Variants in COLEC10 observed in about 807,000 individuals in gnomAD.
COLEC10 encodes collectin subfamily member 10, also known as collectin-10.
In COLEC10, 22 loss-of-function variants were observed where a neutral mutation model predicts 28.4. That is an observed-to-expected ratio of 0.78 (90% CI 0.55 to 1.11). The LOEUF (loss-of-function observed/expected upper bound fraction) is 1.11. Ranked by LOEUF, COLEC10 falls within the 50% of genes least tolerant of loss-of-function variation. The probability of loss-of-function intolerance (pLI) is 0.00; values close to 1 mark genes in which losing one functional copy is unlikely to be tolerated. For synonymous variants in COLEC10, 125 were observed against 116.1 expected (o/e 1.08, Z -0.49); for missense variants, 361 against 344.1 (o/e 1.05, Z -0.39).
chr8:118,986,682 C>T, the COLEC10 span, among the ~76,000 whole-genome samples: 1 of 152,050 alleles, frequency 6.6e-6, no homozygotes, highest in Admixed American at 6.6e-5. Context: ...TATTTATGTA[C>T]ACTCAATAAA....
At chr8:119,023,119 C>G (rs967427032) in intron 2 of COLEC10, among the ~76,000 whole-genome samples, 1 of 152,116 alleles carries the variant, frequency 6.6e-6, no homozygotes, top group Admixed American at 6.6e-5. Context: ...CTTACGCTGG[C>G]CACTGTATTT....
upstream of COLEC10, among the ~76,000 whole-genome samples, chr8:119,065,611 C>T (rs1421139040): frequency 1.3e-5 from 2 of 152,080 alleles, no homozygotes; most frequent in Non-Finnish European, 2.9e-5. Flanking sequence ...GATCCCAGCA[C>T]TTATGGAGGC....
At chr8:118,984,590 T>G in the COLEC10 span, among the ~76,000 whole-genome samples, 4 of 152,090 alleles carry the variant, frequency 2.6e-5, no homozygotes, top group African/African-American at 9.7e-5. Context: ...TGTTTTGATA[T>G]GAGGGATATT....
At position 119,067,985 on chromosome 8, in the gene COLEC10, G is replaced by A. The variant is rs1327226455; in HGVS notation, c.148+556G>A. On this transcript the variant is annotated intron_variant, in intron 1 of 5. Coordinates refer to ENST00000332843, the MANE Select transcript of COLEC10 (RefSeq NM_006438.5). ...TCTTTATTTGGAAGTGTAGTCTCTG[G>A]GGCCAAATGCCTTCTGCTCAAGGAT... 6 of 152,026 alleles carry A rather than the reference G, an allele frequency of 3.9e-5. No homozygotes were observed. In the East Asian group the frequency reaches 1.2e-3, roughly 29 times the overall value. 9.4% of individuals were successfully genotyped at this position (152,026 alleles called of 1,614,324 possible). A position where few individuals can be genotyped will look rare whatever the true frequency, so the allele number is the denominator to read the frequency against.
chr8:119,058,631 A>G (rs1379344037), intron 2 of COLEC10, among the ~76,000 whole-genome samples: 1 of 152,088 alleles, frequency 6.6e-6, no homozygotes, highest in Admixed American at 6.6e-5. Flanking sequence ...ATAGCATTCC[A>G]TTGTATAGAT....
the COLEC10 span, among the ~76,000 whole-genome samples, chr8:118,988,260 G>T: frequency 6.6e-6 from 1 of 152,096 alleles, no homozygotes. Context: ...ATGAGGATCT[G>T]GGAAAGATCC....
intron 2 of COLEC10, among the ~76,000 whole-genome samples, chr8:119,048,996 A>T (rs1814630599): frequency 6.6e-6 from 1 of 151,504 alleles, no homozygotes; most frequent in African/African-American, 2.4e-5. Flanking sequence ...CATGTTTAGC[A>T]CTCCCTTAAG....
chr8:119,007,606 A>AG (rs1358898726), intron 1 of COLEC10, among the ~76,000 whole-genome samples: 1 of 151,206 alleles, frequency 6.6e-6, no homozygotes, highest in Non-Finnish European at 1.5e-5. Context: ...TTTAAGACCA[A>AG]TTGTCCAAAC....
At chr8:118,961,011 TTAAG>T in the COLEC10 span, among the ~76,000 whole-genome samples, 1 of 152,180 alleles carries the variant, frequency 6.6e-6, no homozygotes, top group Admixed American at 6.5e-5. Flanking sequence ...CATGATATCT[TTAAG>T]TAGGCATTAT....
At chr8:118,963,088 G>A in the COLEC10 span, among the ~76,000 whole-genome samples, 3 of 152,156 alleles carry the variant, frequency 2.0e-5, no homozygotes, top group Admixed American at 6.5e-5. Context: ...GAAGGGAGCC[G>A]GGGTCTGGCA....
chr8:118,987,947 T>C, the COLEC10 span, among the ~76,000 whole-genome samples: 103 of 152,204 alleles, frequency 6.8e-4, no homozygotes, highest in African/African-American at 2.5e-3. Flanking sequence ...CTTAGAACAA[T>C]AAAAGCTGAA....
At chr8:118,965,856 G>A in the COLEC10 span, among the ~76,000 whole-genome samples, 2 of 152,026 alleles carry the variant, frequency 1.3e-5, no homozygotes, top group African/African-American at 4.8e-5. Context: ...CAGGTCAGGC[G>A]AGTGAGTAGT....
chr8:119,096,236 T>G (rs1815714154), intron 3 of COLEC10, among the ~76,000 whole-genome samples: 1 of 152,166 alleles, frequency 6.6e-6, no homozygotes, highest in African/African-American at 2.4e-5. Flanking sequence ...AACACGTTTT[T>G]AAACAGGATA....
intron 2 of COLEC10, among the ~76,000 whole-genome samples, chr8:119,023,053 T>A (rs1049217879): frequency 6.6e-6 from 1 of 152,136 alleles, no homozygotes; most frequent in African/African-American, 2.4e-5. Flanking sequence ...GATATACACA[T>A]GGTTTATATC....
intron 1 of COLEC10, among the ~76,000 whole-genome samples, chr8:119,081,279 GAC>G (rs1815361507): frequency 6.6e-6 from 1 of 152,080 alleles, no homozygotes; most frequent in Non-Finnish European, 1.5e-5. Context: ...ATATGATACA[GAC>G]TTATACATAC....
chr8:119,043,165 G>A (rs1184108995), intron 2 of COLEC10, among the ~76,000 whole-genome samples: 2 of 152,260 alleles, frequency 1.3e-5, no homozygotes, highest in South Asian at 2.1e-4. Flanking sequence ...AACTAGATAA[G>A]GATCTAGGAT....
upstream of COLEC10, chr8:119,067,188 T>C (rs1036275522): frequency 1.6e-5 from 21 of 1,331,362 alleles, no homozygotes; most frequent in Non-Finnish European, 2.1e-5. Flanking sequence ...GTGTTCCAAA[T>C]ACTTCCCCTT....
At chr8:119,100,450 TC>T (rs544799263) in intron 3 of COLEC10, among the ~76,000 whole-genome samples, 27 of 152,196 alleles carry the variant, frequency 1.8e-4, no homozygotes, top group Non-Finnish European at 3.4e-4. Flanking sequence ...CAAAATCTAT[TC>T]TTATTTTTTC....
chr8:119,003,845 G>A (rs1269450921), intron 1 of COLEC10, among the ~76,000 whole-genome samples: 8 of 152,000 alleles, frequency 5.3e-5, no homozygotes, highest in Admixed American at 1.3e-4. Flanking sequence ...GCACATTGAC[G>A]CAAGTTGATA....
Sources: gnomAD v4.1 joint callset for allele counts (sites outside exome capture counted in the v4.1 genomes callset) on GRCh38, gnomAD v4.1.1 for gene constraint, MANE v1.5 for transcripts, NCBI Gene and HGNC (gene_info 2026-07-23, HGNC 2026-07-21) for gene names.